Variants in PPP1R12A observed in about 807,000 individuals in gnomAD.
The protein encoded by PPP1R12A is protein phosphatase 1 regulatory subunit 12A.
A neutral mutation model predicts 139.6 loss-of-function variants in PPP1R12A; 19 were observed. That is an observed-to-expected ratio of 0.14 (90% CI 0.09 to 0.20). The LOEUF is 0.20. Ranked by LOEUF, PPP1R12A falls within the 10% of genes least tolerant of loss-of-function variation. PPP1R12A has a pLI of 1.00. For synonymous variants in PPP1R12A, 427 were observed against 420.6 expected (o/e 1.02, Z -0.19); for missense variants, 925 against 1,211.5 (o/e 0.76, Z 3.51).
chr12:79,836,491 TTATC>T (rs1878101404), intron 3 of PPP1R12A, among the ~76,000 whole-genome samples: 1 of 152,192 alleles, frequency 6.6e-6, no homozygotes, highest in Non-Finnish European at 1.5e-5. Context: ...CATGCTATCT[TTATC>T]TAATGACAAA....
intron 9 of PPP1R12A, among the ~76,000 whole-genome samples, chr12:79,816,427 G>T (rs892202926): frequency 1.3e-5 from 2 of 152,028 alleles, no homozygotes; most frequent in African/African-American, 4.8e-5. Flanking sequence ...AAAGGTATGT[G>T]TGGACAGAGA....
chr12:79,859,361 A>AC (rs1458087072), intron 2 of PPP1R12A, among the ~76,000 whole-genome samples: 1 of 150,638 alleles, frequency 6.6e-6, no homozygotes, highest in African/African-American at 2.4e-5. Flanking sequence ...AAAGAAAAAA[A>AC]AAAAAAAACA....
chr12:79,782,972 A>G (rs1424317386), intron 22 of PPP1R12A, among the ~76,000 whole-genome samples: 3 of 152,174 alleles, frequency 2.0e-5, no homozygotes, highest in Non-Finnish European at 4.4e-5. Context: ...TAGGACTTAT[A>G]ACCAAGTCAC....
chr12:79,779,680 A>G (rs998514859), intron 23 of PPP1R12A: 40 of 263,758 alleles, frequency 1.5e-4, no homozygotes, highest in African/African-American at 8.8e-4. Context: ...TAGCACATAA[A>G]GTGTCATATT....
intron 3 of PPP1R12A, among the ~76,000 whole-genome samples, chr12:79,839,814 A>G (rs1303212350): frequency 6.6e-6 from 1 of 152,202 alleles, no homozygotes; most frequent in Non-Finnish European, 1.5e-5. Flanking sequence ...CTGTGGAACT[A>G]TAAGTCAATT....
chr12:79,874,334 G>GA (rs1882893479), intron 1 of PPP1R12A, among the ~76,000 whole-genome samples: 1 of 150,778 alleles, frequency 6.6e-6, no homozygotes, highest in Non-Finnish European at 1.5e-5. Context: ...AAACTTTCAA[G>GA]AAAAAATGAA....
At position 79,842,447 on chromosome 12, in the gene PPP1R12A, C is replaced by T. The variant is rs115525248; in HGVS notation, c.487+2855G>A. ...TATTTTCTGATGAAGCACATTTCAG[C>T]AGGAGTTGGCCCTCTACATCAATAT... On this transcript the variant is annotated intron_variant, in intron 3 of 24. Transcript: ENST00000450142. Among the ~76,000 whole-genome samples the T allele has an allele frequency of 5.4e-3, 826 of 152,290 alleles. 5 individuals are homozygous for T. Among genetic ancestry groups the T allele is most frequent in the African/African-American group, 0.019 (785 of 41,546 alleles).
At chr12:79,883,905 A>AT in intron 1 of PPP1R12A, among the ~76,000 whole-genome samples, 1 of 152,334 alleles carries the variant, frequency 6.6e-6, no homozygotes, top group East Asian at 1.9e-4. Context: ...ATAGATGATT[A>AT]TATCAAAAGG....
intron 1 of PPP1R12A, among the ~76,000 whole-genome samples, chr12:79,877,130 G>T (rs1565792644): frequency 6.6e-6 from 1 of 152,140 alleles, no homozygotes; most frequent in Non-Finnish European, 1.5e-5. Context: ...TTGGACGTTG[G>T]TGTCTTTATA....
intron 1 of PPP1R12A, among the ~76,000 whole-genome samples, chr12:79,899,940 C>T (rs1215956888): frequency 6.6e-6 from 1 of 152,008 alleles, no homozygotes; most frequent in Non-Finnish European, 1.5e-5. Flanking sequence ...TTTTTGAATA[C>T]AATAGGCATT....
chr12:79,871,263 T>C (rs1882539707), intron 2 of PPP1R12A, among the ~76,000 whole-genome samples: 1 of 152,162 alleles, frequency 6.6e-6, no homozygotes, highest in South Asian at 2.1e-4. Flanking sequence ...CACTTGCAGC[T>C]AAAAGCATTC....
intron 3 of PPP1R12A, among the ~76,000 whole-genome samples, chr12:79,835,168 G>C (rs187437207): frequency 2.0e-5 from 3 of 152,190 alleles, no homozygotes; most frequent in Admixed American, 1.3e-4. Flanking sequence ...CCTGCTTTTG[G>C]ATATCAGACT....
chr12:79,872,995 T>A (rs1882725133), intron 1 of PPP1R12A, 57 bp from the exon 2 acceptor site: 1 of 1,507,402 alleles, frequency 6.6e-7, no homozygotes, highest in African/African-American at 1.4e-5. Flanking sequence ...CTCCAAATAA[T>A]ACATCAATAG....
At chr12:79,911,167 C>T (rs1270912844) in intron 1 of PPP1R12A, among the ~76,000 whole-genome samples, 2 of 152,198 alleles carry the variant, frequency 1.3e-5, no homozygotes, top group African/African-American at 4.8e-5. Flanking sequence ...TAAGTTTACA[C>T]TTTCAGGCTT....
At chr12:79,863,566 G>A (rs913136437) in intron 2 of PPP1R12A, among the ~76,000 whole-genome samples, 7 of 141,248 alleles carry the variant, frequency 5.0e-5, no homozygotes, top group Non-Finnish European at 1.1e-4. Flanking sequence ...CTGTATTCAG[G>A]AGACCCATCT....
chr12:79,783,180 G>C (rs925297647), intron 22 of PPP1R12A, among the ~76,000 whole-genome samples: 1 of 151,868 alleles, frequency 6.6e-6, no homozygotes, highest in African/African-American at 2.4e-5. Flanking sequence ...ATATGAGGCT[G>C]GGTGTAGTGG....
chr12:79,817,252 G>A (rs1384542077), intron 9 of PPP1R12A, 142 bp downstream of exon 9: 1 of 744,336 alleles, frequency 1.3e-6, no homozygotes, highest in Non-Finnish European at 2.0e-6. Flanking sequence ...ATTCAACTGA[G>A]AAACATAAAT....
In PPP1R12A at chr12:79,923,573, T is replaced by C. The variant is rs1278695826; in HGVS notation, c.237+11122A>G. Among the ~76,000 whole-genome samples, 3 of 152,202 alleles carry C rather than the reference T, an allele frequency of 2.0e-5. No individual in the cohort carries two copies. The East Asian group carries it at 5.8e-4, about 29-fold the overall frequency. On this transcript the variant is annotated intron_variant, in intron 1 of 24. Coordinates refer to ENST00000450142, the MANE Select transcript of PPP1R12A (RefSeq NM_002480.3). ...ACTTGTACAGAGATATTTAAAAGGA[T>C]GTTAAACTTTTAAATGGAGCAAAGT...
At chr12:79,825,513 A>T (rs1165393950) in intron 5 of PPP1R12A, 1 of 151,918 alleles carries the variant, frequency 6.6e-6, no homozygotes, top group African/African-American at 2.4e-5. Context: ...TTTGCAAATA[A>T]TTTAAAGAAA....
Sources: allele counts gnomAD v4.1 joint callset (sites outside exome capture counted in the v4.1 genomes callset), GRCh38; gene constraint gnomAD v4.1.1; transcripts MANE v1.5; gene names NCBI Gene and HGNC (gene_info 2026-07-23, HGNC 2026-07-21).